Variants in ZSCAN5A observed in about 807,000 individuals in gnomAD.
ZSCAN5A encodes the protein zinc finger and SCAN domain-containing protein 5A.
A neutral mutation model predicts 23.7 loss-of-function variants in ZSCAN5A; 12 were observed. The observed-to-expected ratio is 0.51, with a 90% CI of 0.32 to 0.82. The LOEUF (loss-of-function observed/expected upper bound fraction) is 0.82, where lower values mean the gene tolerates loss of function less well. Ranked by LOEUF, ZSCAN5A falls within the 40% of genes least tolerant of loss-of-function variation. The probability of loss-of-function intolerance (pLI) is 0.03; values close to 1 mark genes in which losing one functional copy is unlikely to be tolerated. For missense variants in ZSCAN5A, 597 were observed against 617.9 expected (o/e 0.97, Z 0.36); for synonymous variants, 257 against 239.9 (o/e 1.07, Z -0.66).
chr19:56,326,416 G>C (rs2041434930), intron 2 of ZSCAN5A, among the ~76,000 whole-genome samples: 1 of 151,478 alleles, frequency 6.6e-6, no homozygotes, highest in South Asian at 2.1e-4. Context: ...TATACATTAG[G>C]TCTCTAACAG....
intron 2 of ZSCAN5A, among the ~76,000 whole-genome samples, chr19:56,237,042 G>A (rs1458179941): frequency 6.6e-6 from 1 of 152,228 alleles, no homozygotes; most frequent in African/African-American, 2.4e-5. Context: ...CAAAGACACC[G>A]AGGGGTATTG....
At chr19:56,299,594 C>A (rs1378547482) in intron 2 of ZSCAN5A, among the ~76,000 whole-genome samples, 1 of 152,106 alleles carries the variant, frequency 6.6e-6, no homozygotes, top group Non-Finnish European at 1.5e-5. Flanking sequence ...AGGACCTCCC[C>A]GCAGATAGCA....
rs1391571643 is a variant in ZSCAN5A at position 56,294,215 on chromosome 19, G to C, written c.-128+19068C>G. On this transcript the variant is annotated intron_variant, in intron 2 of 5. Coordinates refer to ENST00000683990, the MANE Select transcript of ZSCAN5A (RefSeq NM_001322064.3). Reference sequence around the variant, plus strand: ...CCCAGCAGGAAAATCCCAAACACCTGCCTAAGGGCCCACCAGGTGCCAAGC... The same window carrying C: ...CCCAGCAGGAAAATCCCAAACACCTCCCTAAGGGCCCACCAGGTGCCAAGC... 2.6e-5 allele frequency among the ~76,000 whole-genome samples: 4 copies of C among 152,176 alleles called. No individual in the cohort carries two copies. The East Asian group carries it at 7.7e-4, about 29-fold the overall frequency.
In ZSCAN5A at chr19:56,232,442, T is replaced by C. The variant is rs144672754; in HGVS notation, c.-127-7269A>G. On this transcript the variant is annotated intron_variant, in intron 2 of 5. Coordinates refer to ENST00000683990, the MANE Select transcript of ZSCAN5A (RefSeq NM_001322064.3). Reference sequence around the variant, plus strand: ...GAGTAGTATTCCAAACTTTATTAAATTGGGCCCTTTGGATATGAGTTATTT... The same window carrying C: ...GAGTAGTATTCCAAACTTTATTAAACTGGGCCCTTTGGATATGAGTTATTT... 2.0e-5 allele frequency among the ~76,000 whole-genome samples: 3 copies of C among 152,238 alleles called. No homozygotes were observed. In the East Asian group the frequency reaches 5.8e-4, roughly 29 times the overall value.
At chr19:56,354,181 T>C (rs1286479908) in intron 2 of ZSCAN5A, among the ~76,000 whole-genome samples, 1 of 152,180 alleles carries the variant, frequency 6.6e-6, no homozygotes, top group Non-Finnish European at 1.5e-5. Context: ...GAGTTTCAAT[T>C]TTGCAAAGAG....
At chr19:56,350,025 G>C (rs905956217) in intron 2 of ZSCAN5A, among the ~76,000 whole-genome samples, 1 of 152,164 alleles carries the variant, frequency 6.6e-6, no homozygotes, top group Non-Finnish European at 1.5e-5. Context: ...AATTGTTCTA[G>C]TCAAGCTACT....
chr19:56,281,780 A>G (rs2038727891), intron 2 of ZSCAN5A: 2 of 830,498 alleles, frequency 2.4e-6, no homozygotes, highest in South Asian at 5.5e-5. Flanking sequence ...AGAGAGAGGC[A>G]AAACTGCTGA....
intron 2 of ZSCAN5A, among the ~76,000 whole-genome samples, chr19:56,255,026 CTG>C (rs1405985031): frequency 2.0e-5 from 3 of 151,860 alleles, no homozygotes; most frequent in Non-Finnish European, 4.4e-5. Flanking sequence ...GATGCAAAAA[CTG>C]TGAGTTTTAA....
intron 2 of ZSCAN5A, among the ~76,000 whole-genome samples, chr19:56,298,502 A>C (rs1016074050): frequency 4.6e-5 from 7 of 151,526 alleles, no homozygotes; most frequent in Non-Finnish European, 7.4e-5. Flanking sequence ...AATACAAAAA[A>C]ATTAGCCAGG....
chr19:56,299,526 G>A (rs2040094293), intron 2 of ZSCAN5A, among the ~76,000 whole-genome samples: 4 of 151,788 alleles, frequency 2.6e-5, no homozygotes, highest in Admixed American at 2.0e-4. Flanking sequence ...AACTTACAAA[G>A]AACAAGCTGT....
chr19:56,365,552 C>T (rs1266724509), intron 1 of ZSCAN5A, among the ~76,000 whole-genome samples: 1 of 152,150 alleles, frequency 6.6e-6, no homozygotes, highest in East Asian at 1.9e-4. Context: ...AGTTTCTGGT[C>T]CAGCAAGGAG....
Position 56,222,163 on chromosome 19 carries a change from T to C in ZSCAN5A, c.903A>G (p.Lys301=). 6.2e-7 allele frequency: 1 copy of C among 1,614,036 alleles called. No homozygotes were observed. The highest frequency in any genetic ancestry group is 8.5e-7 in the Non-Finnish European group (1 of 1,180,022). The part of the protein sequence containing the change: ...ALNLSSPKRS[K]PDASSISQEE... ...CTTGGGAAATGGAGGAGGCATCTGG[T>C]TTGCTTCTTTTGGGACTGCTCAGAT... The change falls in exon 6 of 6, where the codon AAA becomes AAG. Residue 301 remains lysine (K), a synonymous_variant. Coordinates refer to ENST00000683990, the MANE Select transcript of ZSCAN5A (RefSeq NM_001322064.3).
At chr19:56,262,415 T>TG (rs1555799484) in intron 2 of ZSCAN5A, among the ~76,000 whole-genome samples, 1 of 151,742 alleles carries the variant, frequency 6.6e-6, no homozygotes, top group East Asian at 1.9e-4. Flanking sequence ...TCTAATTTTT[T>TG]TTTTTTTGTT....
At chr19:56,356,466 A>T (rs2041701199) in intron 2 of ZSCAN5A, among the ~76,000 whole-genome samples, 1 of 148,258 alleles carries the variant, frequency 6.7e-6, no homozygotes, top group South Asian at 2.1e-4. Context: ...CAGAGCTCTA[A>T]GGAATGTGAA....
chr19:56,246,847 G>A lies in ZSCAN5A; in HGVS notation c.-127-21674C>T, dbSNP rs10423483. 22 of 1,611,586 alleles carry A rather than the reference G, an allele frequency of 1.4e-5. No individual in the cohort carries two copies. The African/African-American group carries it at 2.0e-4, about 15-fold the overall frequency. ...GGAGAGAGAAGCTTCGACTCACAGC[G>A]GGAGCAGAGGAGACGCTCTGAATCT... On this transcript the variant is annotated intron_variant, in intron 2 of 5. Transcript: ENST00000683990.
Position 56,291,510 on chromosome 19 carries a change from T to C in ZSCAN5A, c.-128+21773A>G, listed in dbSNP as rs117674341. Among the ~76,000 whole-genome samples, 1,174 of 152,302 alleles carry C rather than the reference T, an allele frequency of 7.7e-3. 8 individuals carry two copies. Among genetic ancestry groups the C allele is most frequent in the Non-Finnish European group, 0.013 (891 of 68,012 alleles). The stretch of plus-strand genomic sequence containing the variant: ...TTGAGAACCACAGGGTGGGAGGAGC[T>C]AGGAAGAAGGCGTTATTAATTTCTT... On this transcript the variant is annotated intron_variant, in intron 2 of 5. Coordinates refer to ENST00000683990, the MANE Select transcript of ZSCAN5A (RefSeq NM_001322064.3).
At chr19:56,343,051 A>G in intron 2 of ZSCAN5A, 1 of 813,422 alleles carries the variant, frequency 1.2e-6, no homozygotes, top group Non-Finnish European at 2.2e-6. Flanking sequence ...ACTGTCAGAC[A>G]ACCTTGGCTT....
chr19:56,262,495 C>T (rs2037197554), intron 2 of ZSCAN5A, among the ~76,000 whole-genome samples: 2 of 151,232 alleles, frequency 1.3e-5, no homozygotes, highest in African/African-American at 4.9e-5. Context: ...GATCTTGGCT[C>T]ACTGCAACCT....
upstream of ZSCAN5A, chr19:56,316,101 C>T (rs1255282405): frequency 6.6e-6 from 1 of 152,202 alleles, no homozygotes; most frequent in Non-Finnish European, 1.5e-5. Flanking sequence ...ATTCCGGAAA[C>T]CTGTCCCTGT....
Sources: allele counts gnomAD v4.1 joint callset (sites outside exome capture counted in the v4.1 genomes callset), GRCh38; gene constraint gnomAD v4.1.1; transcripts MANE v1.5; gene names NCBI Gene and HGNC (gene_info 2026-07-23, HGNC 2026-07-21).